Variants in CCNH observed in about 807,000 individuals in gnomAD.
The protein encoded by CCNH is cyclin-H.
A neutral mutation model predicts 41.9 loss-of-function variants in CCNH; 31 were observed. The observed-to-expected ratio is 0.74, with a 90% confidence interval of 0.56 to 1.00. The LOEUF (loss-of-function observed/expected upper bound fraction) is 1.00, where lower values mean the gene tolerates loss of function less well. Among genes scored for constraint, CCNH ranks in the 50% least tolerant of loss-of-function variants. The pLI is 0.00. For missense variants in CCNH, 362 were observed against 388.4 expected (o/e 0.93, Z 0.57); for synonymous variants, 138 against 136.1 (o/e 1.01, Z -0.10).
chr5:87,411,289 A>G lies in CCNH; in HGVS notation c.175T>C (p.Tyr59His), dbSNP rs756471974. 1 of 1,612,824 alleles carries G rather than the reference A, an allele frequency of 6.2e-7. No homozygotes were observed. Among genetic ancestry groups the G allele is most frequent in the Admixed American group, 1.7e-5 (1 of 59,856 alleles). The change falls in exon 2 of 9, where the codon TAC becomes CAC. Residue 59 changes from tyrosine to histidine, a missense_variant. By Grantham distance (83) the Tyr-to-His change is moderately conservative. Coordinates refer to ENST00000256897, the MANE Select transcript of CCNH (RefSeq NM_001239.4). ...EPHEEMTLCK[Y>H]YEKRLLEFCS... is the part of the protein sequence containing the mutation. Reference sequence around the variant, plus strand: ...AATTCCAATAACCTTTTCTCATAGTATTTGCAGAGTGTCATTTCTTCATGA... The same window carrying G: ...AATTCCAATAACCTTTTCTCATAGTGTTTGCAGAGTGTCATTTCTTCATGA...
chr5:87,326,736 C>T (rs1019100589), intron 9 of CCNH, among the ~76,000 whole-genome samples: 1 of 152,072 alleles, frequency 6.6e-6, no homozygotes, highest in African/African-American at 2.4e-5. Context: ...GGGTTTCCTT[C>T]TAGAGTTGCC....
chr5:87,359,939 AC>A (rs1759946420), intron 9 of CCNH, among the ~76,000 whole-genome samples: 1 of 152,132 alleles, frequency 6.6e-6, no homozygotes, highest in African/African-American at 2.4e-5. Context: ...TCGTGCACAG[AC>A]CTGGAACACA....
At chr5:87,372,812 T>G (rs1761046856), downstream of CCNH, among the ~76,000 whole-genome samples, 1 of 152,178 alleles carries the variant, frequency 6.6e-6, no homozygotes. Context: ...AAAGAAAGTT[T>G]AGTACAATAT....
At chr5:87,340,521 G>A (rs1216150383) in intron 9 of CCNH, among the ~76,000 whole-genome samples, 1 of 151,938 alleles carries the variant, frequency 6.6e-6, no homozygotes, top group Non-Finnish European at 1.5e-5. Context: ...ATTGTGAGAA[G>A]TAAATCCACA....
At chr5:87,395,196 T>A (rs918641369) in intron 7 of CCNH, 92 bp from the exon 8 acceptor site, 7 of 1,013,562 alleles carry the variant, frequency 6.9e-6, no homozygotes, top group Non-Finnish European at 1.0e-5. Context: ...GGCAATATCA[T>A]GTATCTACTG....
downstream of CCNH, among the ~76,000 whole-genome samples, chr5:87,372,640 A>G (rs866478386): frequency 6.6e-6 from 1 of 152,292 alleles, no homozygotes; most frequent in African/African-American, 2.4e-5. Flanking sequence ...TGAAACTGTA[A>G]CATGCCCTAT....
At chr5:87,352,303 T>TACAC (rs142667821) in intron 9 of CCNH, among the ~76,000 whole-genome samples, 58 of 150,140 alleles carry the variant, frequency 3.9e-4, no homozygotes, top group East Asian at 2.7e-3. Flanking sequence ...TACTTGAAGA[T>TACAC]ACACACACAC....
downstream of CCNH, chr5:87,390,761 A>G (rs2112530207): frequency 1.3e-6 from 2 of 1,544,596 alleles, no homozygotes; most frequent in Middle Eastern, 3.4e-4. Context: ...TTGCTGACCG[A>G]GCTTTCATTT....
rs3069490 is a variant in CCNH, at chr5:87,338,501, T to TTATATA, written c.*91-19610_*91-19605dup. On this transcript the variant is annotated intron_variant and NMD_transcript_variant, in intron 9 of 9. Transcript: ENST00000645953. ...CATGTGCCACCATGCCCAGCTAATT[T>TTATATA]TATATATATATATATATATATATAT... Among the ~76,000 whole-genome samples, 210 of 75,656 alleles carry TTATATA rather than the reference T, an allele frequency of 2.8e-3. 2 individuals carry two copies. Among genetic ancestry groups the TTATATA allele is most frequent in the African/African-American group, 8.7e-3 (178 of 20,546 alleles). The allele number at this position is 75,656 out of a possible 152,430, so 49.6% of individuals were successfully genotyped here.
chr5:87,402,842 T>C (rs1349998877), intron 5 of CCNH, among the ~76,000 whole-genome samples: 1 of 152,234 alleles, frequency 6.6e-6, no homozygotes, highest in Non-Finnish European at 1.5e-5. Flanking sequence ...TTCCTTTTGA[T>C]TTCTTAAGCA....
intron 9 of CCNH, among the ~76,000 whole-genome samples, chr5:87,341,493 C>G (rs1262000666): frequency 2.0e-5 from 3 of 151,876 alleles, no homozygotes; most frequent in Non-Finnish European, 4.4e-5. Flanking sequence ...GTGATAAAGT[C>G]TTGTTTTTAA....
rs1465911407 is a variant in CCNH, at chr5:87,411,211, C to T, written c.240+13G>A. On this transcript the variant is annotated intron_variant, in intron 2 of 8. Transcript: ENST00000256897. ...ACTAAAGGACATTATATTTCATCAC[C>T]ACTGTAACTTACCACAACAGATCTT... 1.2e-6 allele frequency: 2 copies of T among 1,605,982 alleles called. No individual in the cohort carries two copies. Among genetic ancestry groups the T allele is most frequent in the African/African-American group, 1.3e-5 (1 of 74,678 alleles).
At chr5:87,330,860 C>A (rs1441676479) in intron 9 of CCNH, 2 of 862,128 alleles carry the variant, frequency 2.3e-6, no homozygotes, top group Non-Finnish European at 3.3e-6. Flanking sequence ...AAATAGCATC[C>A]TTTAGACAGT....
At chr5:87,349,485 C>A in intron 9 of CCNH, 1 of 1,164,020 alleles carries the variant, frequency 8.6e-7, no homozygotes, top group South Asian at 1.5e-5. Context: ...ATAAGACCTT[C>A]AATATAATTT....
intron 9 of CCNH, chr5:87,385,506 A>G: frequency 5.1e-6 from 4 of 782,282 alleles, no homozygotes; most frequent in South Asian, 4.7e-5. Flanking sequence ...ATGAAAGATT[A>G]TTTTTGTTGG....
At chr5:87,367,126 T>C (rs1290415953) in intron 9 of CCNH, among the ~76,000 whole-genome samples, 1 of 152,104 alleles carries the variant, frequency 6.6e-6, no homozygotes, top group African/African-American at 2.4e-5. Flanking sequence ...TCCTGTGAAA[T>C]AGAGAAGCAC....
chr5:87,391,138 GACC>G (rs575503525), downstream of CCNH: 2 of 580,086 alleles, frequency 3.4e-6, no homozygotes, highest in African/African-American at 1.9e-5. Flanking sequence ...TTGGTGTACA[GACC>G]ACCTTTCACA....
downstream of CCNH, among the ~76,000 whole-genome samples, chr5:87,390,430 TC>T (rs538235653): frequency 7.5e-4 from 109 of 145,388 alleles, no homozygotes; most frequent in African/African-American, 2.1e-3. Context: ...TCCCCGCCCC[TC>T]CCCCCGCAGC....
chr5:87,323,580 T>G (rs1756988727), intron 9 of CCNH, among the ~76,000 whole-genome samples: 1 of 152,250 alleles, frequency 6.6e-6, no homozygotes, highest in African/African-American at 2.4e-5. Context: ...TATGTCTGTA[T>G]TCAGCAAGTA....
Sources: allele counts gnomAD v4.1 joint callset (sites outside exome capture counted in the v4.1 genomes callset), GRCh38; gene constraint gnomAD v4.1.1; transcripts MANE v1.5; gene names NCBI Gene and HGNC (gene_info 2026-07-23, HGNC 2026-07-21).